Variants in MAP3K1 observed in about 807,000 individuals in gnomAD.
MAP3K1 encodes the protein mitogen-activated protein kinase kinase kinase 1, also known as MAP/ERK kinase kinase 1.
A neutral mutation model predicts 144.2 loss-of-function variants in MAP3K1; 36 were observed. The observed-to-expected ratio is 0.25, with a 90% confidence interval of 0.19 to 0.33. The LOEUF (loss-of-function observed/expected upper bound fraction) is 0.33, where lower values mean the gene tolerates loss of function less well. Among genes scored for constraint, MAP3K1 ranks in the 10% least tolerant of loss-of-function variants. MAP3K1 has a pLI of 1.00. For synonymous variants in MAP3K1, 718 were observed against 688.7 expected, an observed-to-expected ratio of 1.04 and a Z score of -0.67; for missense variants, 1,650 against 1,881.9, an observed-to-expected ratio of 0.88 and a Z score of 2.28.
At chr5:56,852,169 C>T (rs2111848649) in intron 1 of MAP3K1, 1 of 151,654 alleles carries the variant, frequency 6.6e-6, no homozygotes, top group Admixed American at 6.6e-5. Context: ...AGAAGAGGGC[C>T]ATAGTTGGTA....
chr5:56,842,251 T>A (rs537564112), intron 1 of MAP3K1: 1 of 152,230 alleles, frequency 6.6e-6, no homozygotes, highest in Non-Finnish European at 1.5e-5. Context: ...GCTACTGTCA[T>A]CTGTTTTTCA....
chr5:56,860,194 A>G (rs974086308), intron 3 of MAP3K1, among the ~76,000 whole-genome samples: 1 of 152,218 alleles, frequency 6.6e-6, no homozygotes, highest in Non-Finnish European at 1.5e-5. Context: ...TAAGGCTACA[A>G]CTGTAGAAAC....
rs1486260917 is a variant in MAP3K1 at position 56,894,509 on chromosome 5, T to C, written c.*829T>C. ...TACCTACATTTGAGTCAGTCACCAC[T>C]CTTATTGTGCAGGTTAAGTACAAGT... is the stretch of plus-strand genomic sequence containing the variant. On this transcript the variant is annotated 3_prime_UTR_variant, in exon 20 of 20. Coordinates refer to ENST00000399503, the MANE Select transcript of MAP3K1 (RefSeq NM_005921.2). 4.3e-6 allele frequency: 1 copy of C among 232,598 alleles called. No individual in the cohort carries two copies. The highest frequency in any genetic ancestry group is 8.5e-6 in the Non-Finnish European group (1 of 117,724). The allele number at this position is 232,598 out of a possible 1,614,324, so 14.4% of individuals were successfully genotyped here.
chr5:56,872,244 G>T (rs1217306237), intron 7 of MAP3K1, among the ~76,000 whole-genome samples: 1 of 152,152 alleles, frequency 6.6e-6, no homozygotes, highest in African/African-American at 2.4e-5. Flanking sequence ...GCAATAAAGT[G>T]TGTGTGACAT....
intron 1 of MAP3K1, among the ~76,000 whole-genome samples, chr5:56,818,375 A>T (rs376292235): frequency 1.3e-5 from 2 of 152,108 alleles, no homozygotes; most frequent in Admixed American, 6.5e-5. Context: ...TTTTTTTGAC[A>T]GTTAAGTTAC....
In MAP3K1 at chr5:56,879,040, C is replaced by G; in HGVS notation, c.2026C>G (p.Leu676Val). The change falls in exon 11 of 20, where the codon CTT becomes GTT. Residue 676 changes from leucine to valine, a missense_variant. Around this residue, in one of 6 missense-constraint regions of MAP3K1, gnomAD observed 841 missense variants for 886.5 expected, o/e 0.95. Transcript: ENST00000399503. Reference sequence around the variant, plus strand: ...CCACAGTTTAGCGGAAAGAATCAAACTTCAGAGACTTCTCCAGCCAGTTGT... The same window carrying G: ...CCACAGTTTAGCGGAAAGAATCAAAGTTCAGAGACTTCTCCAGCCAGTTGT... ...PCHSLAERIK[L>V]QRLLQPVVDT... 1 of 1,613,948 alleles carries G rather than the reference C, an allele frequency of 6.2e-7. No homozygotes were observed. Among genetic ancestry groups the G allele is most frequent in the South Asian group, 1.1e-5 (1 of 91,086 alleles).
intron 6 of MAP3K1, among the ~76,000 whole-genome samples, chr5:56,867,815 T>C (rs561299284): frequency 2.8e-4 from 42 of 152,332 alleles, no homozygotes; most frequent in Non-Finnish European, 4.9e-4. Flanking sequence ...TGACTGTTTC[T>C]CATAGTATTA....
At chr5:56,845,627 G>A (rs972203160) in intron 1 of MAP3K1, among the ~76,000 whole-genome samples, 5 of 152,174 alleles carry the variant, frequency 3.3e-5, no homozygotes, top group African/African-American at 1.2e-4. Context: ...AACACGTTTA[G>A]CCAAAAACTG....
chr5:56,882,391 G>T lies in MAP3K1; in HGVS notation c.3191G>T (p.Arg1064Ile). The T allele has an allele frequency of 6.2e-7, 1 of 1,614,008 alleles. No individual in the cohort carries two copies. The highest frequency in any genetic ancestry group is 1.1e-5 in the South Asian group (1 of 91,062). ...SSNIHRPKPS[R>I]PTPGNTSKQG... Reference sequence around the variant, plus strand: ...AACATACACAGGCCAAAGCCATCTAGACCTACCCCAGGTAATACAAGTAAA... The same window carrying T: ...AACATACACAGGCCAAAGCCATCTATACCTACCCCAGGTAATACAAGTAAA... The change falls in exon 14 of 20, where the codon AGA becomes ATA. Residue 1064 changes from arginine (R) to isoleucine (I), a missense_variant. Coordinates refer to ENST00000399503, the MANE Select transcript of MAP3K1 (RefSeq NM_005921.2).
At chr5:56,847,315 G>A (rs1747029052) in intron 1 of MAP3K1, among the ~76,000 whole-genome samples, 1 of 152,220 alleles carries the variant, frequency 6.6e-6, no homozygotes, top group African/African-American at 2.4e-5. Flanking sequence ...AAAAAGACTT[G>A]GTCGGGCGTG....
In MAP3K1 at chr5:56,815,668, A is replaced by C; in HGVS notation, c.95A>C (p.Lys32Thr). ...PEAGGGGGAL[K>T]ASSAPAAAAG... The stretch of plus-strand genomic sequence containing the variant: ...GCAGGCGGCGGCGGAGGAGCCCTCA[A>C]GGCGAGCAGCGCGCCCGCGGCTGCC... The change falls in exon 1 of 20, where the codon AAG (lysine) becomes ACG (threonine). Residue 32 changes from lysine to threonine, a missense_variant. By Grantham distance (78) the Lys-to-Thr change is moderately conservative. Coordinates refer to ENST00000399503, the MANE Select transcript of MAP3K1 (RefSeq NM_005921.2). The C allele has an allele frequency of 7.6e-7, 1 of 1,313,290 alleles. No homozygotes were observed. 81.4% of individuals were successfully genotyped at this position (1,313,290 alleles called of 1,614,324 possible).
chr5:56,836,774 C>G (rs1026265032), intron 1 of MAP3K1, among the ~76,000 whole-genome samples: 4 of 152,120 alleles, frequency 2.6e-5, no homozygotes, highest in African/African-American at 9.7e-5. Context: ...TTTTAGGGGA[C>G]TGAAGGAAAG....
chr5:56,831,891 C>G (rs530838070), intron 1 of MAP3K1, among the ~76,000 whole-genome samples: 1 of 152,242 alleles, frequency 6.6e-6, no homozygotes, highest in African/African-American at 2.4e-5. Context: ...TCTAGACATT[C>G]CTTGTGGGCA....
intron 1 of MAP3K1, among the ~76,000 whole-genome samples, chr5:56,847,918 A>G (rs1484951351): frequency 6.6e-6 from 1 of 152,206 alleles, no homozygotes; most frequent in Non-Finnish European, 1.5e-5. Context: ...AATCCCTTCA[A>G]GTTTATTCAG....
chr5:56,844,537 A>G (rs1746932138), intron 1 of MAP3K1, among the ~76,000 whole-genome samples: 1 of 151,822 alleles, frequency 6.6e-6, no homozygotes, highest in South Asian at 2.1e-4. Context: ...GGCCTTCACC[A>G]ACTCTCTCTT....
chr5:56,893,724 A>G lies in MAP3K1; in HGVS notation c.*44A>G, dbSNP rs369887826. ...TACAGTAGAAACAGGATGCTCAACAAGAGAAAAAAAACTTGTGGGGAACCA... is the reference window on the plus strand; with the variant it reads ...TACAGTAGAAACAGGATGCTCAACAGGAGAAAAAAAACTTGTGGGGAACCA... On this transcript the variant is annotated 3_prime_UTR_variant, in exon 20 of 20. Transcript: ENST00000399503. The G allele has an allele frequency of 2.1e-5, 33 of 1,608,084 alleles. No individual in the cohort carries two copies. The Admixed American group carries it at 2.3e-4, about 11-fold the overall frequency.
At chr5:56,888,018 C>A (rs1579785971) in intron 18 of MAP3K1, 1 of 593,260 alleles carries the variant, frequency 1.7e-6, no homozygotes, top group Non-Finnish European at 3.0e-6. Context: ...TGGGACTCTG[C>A]TTCAGAATCT....
At chr5:56,876,020 A>G (rs775157621) in intron 10 of MAP3K1, among the ~76,000 whole-genome samples, 4 of 152,188 alleles carry the variant, frequency 2.6e-5, no homozygotes, top group Non-Finnish European at 5.9e-5. Flanking sequence ...GTTGTTTTCC[A>G]GTTTAACCTG....
intron 6 of MAP3K1, among the ~76,000 whole-genome samples, chr5:56,867,313 CATAG>C (rs1232758989): frequency 2.0e-5 from 3 of 152,126 alleles, no homozygotes; most frequent in East Asian, 1.9e-4. Flanking sequence ...ACTGTACATA[CATAG>C]ATAGATTTTT....
Sources: allele counts gnomAD v4.1 joint callset (sites outside exome capture counted in the v4.1 genomes callset), GRCh38; gene constraint gnomAD v4.1.1; regional missense constraint gnomAD v4.1.1; transcripts MANE v1.5; gene names NCBI Gene and HGNC (gene_info 2026-07-23, HGNC 2026-07-21).